Variants in UBE3D observed in about 807,000 individuals in gnomAD.
UBE3D encodes the protein ubiquitin protein ligase E3D.
A neutral mutation model predicts 49.6 loss-of-function variants in UBE3D; 48 were observed. The ratio of observed to expected loss-of-function variants is 0.97; its 90% CI spans 0.77 to 1.23. The LOEUF (loss-of-function observed/expected upper bound fraction) is 1.23, where lower values mean the gene tolerates loss of function less well. UBE3D is among the 50% of genes most tolerant of loss of function. The pLI is 0.00. For missense variants in UBE3D, 452 were observed against 468.4 expected (o/e 0.96, Z 0.32); for synonymous variants, 189 against 174.2 (o/e 1.08, Z -0.67).
intron 8 of UBE3D, among the ~76,000 whole-genome samples, chr6:83,004,835 T>C (rs1434296994): frequency 2.0e-5 from 3 of 152,190 alleles, no homozygotes; most frequent in Non-Finnish European, 4.4e-5. Flanking sequence ...CTAAATCTTC[T>C]CAAAACCACC....
intron 9 of UBE3D, among the ~76,000 whole-genome samples, chr6:82,931,649 G>A (rs2127745058): frequency 6.6e-6 from 1 of 152,338 alleles, no homozygotes; most frequent in Non-Finnish European, 1.5e-5. Flanking sequence ...CATGGAGCCT[G>A]CAGCCCCTTT....
rs562599515 is a variant in UBE3D, at chr6:82,908,876, G to A, written c.1150-15834C>T. The stretch of plus-strand genomic sequence containing the variant: ...ACAGCCAGGGCACAGAGACAGTCCT[G>A]GGGTCATAAAGCAGTGTGGGACTGG... On this transcript the variant is annotated intron_variant, in intron 9 of 9. Coordinates refer to ENST00000369747, the MANE Select transcript of UBE3D (RefSeq NM_198920.3). Among the ~76,000 whole-genome samples the A allele has an allele frequency of 4.5e-4, 68 of 152,270 alleles. 1 individual carries two copies. The highest frequency in any genetic ancestry group is 5.9e-5 in the Non-Finnish European group (4 of 68,030).
At chr6:82,936,726 C>G (rs750961113) in intron 9 of UBE3D, among the ~76,000 whole-genome samples, 1 of 152,128 alleles carries the variant, frequency 6.6e-6, no homozygotes, top group Non-Finnish European at 1.5e-5. Context: ...TCCCTGCTGC[C>G]CAGACATGAT....
At position 82,937,736 on chromosome 6, in the gene UBE3D, G is replaced by A. The variant is rs1178835052; in HGVS notation, c.1149+19576C>T. Among the ~76,000 whole-genome samples the A allele has an allele frequency of 2.6e-5, 4 of 152,266 alleles. No individual in the cohort carries two copies. In the Middle Eastern group the frequency reaches 0.01, roughly 388 times the overall value. On this transcript the variant is annotated intron_variant, in intron 9 of 9. Transcript: ENST00000369747. ...GAAAGTGCAAAAAGTCTAAGGGAGG[G>A]TAGAGAAGGAAGACGAAAGGGGGGA...
At chr6:82,884,874 T>C in the UBE3D span, among the ~76,000 whole-genome samples, 3 of 152,204 alleles carry the variant, frequency 2.0e-5, no homozygotes, top group Admixed American at 6.5e-5. Flanking sequence ...CCCGGTACTT[T>C]TGGAAATTAC....
chr6:83,046,992 T>G (rs1783102942), intron 3 of UBE3D, among the ~76,000 whole-genome samples: 1 of 152,230 alleles, frequency 6.6e-6, no homozygotes, highest in Admixed American at 6.5e-5. Context: ...ATGCCATATA[T>G]GTTTACCTTG....
chr6:82,999,796 A>G (rs1779496047), intron 8 of UBE3D, among the ~76,000 whole-genome samples: 1 of 152,100 alleles, frequency 6.6e-6, no homozygotes, highest in Admixed American at 6.6e-5. Context: ...ACTTCCTGAA[A>G]CAGTGGTCCA....
intron 8 of UBE3D, among the ~76,000 whole-genome samples, chr6:82,960,701 T>G (rs923531916): frequency 2.6e-5 from 4 of 152,010 alleles, no homozygotes; most frequent in African/African-American, 9.7e-5. Flanking sequence ...AGATCAGACA[T>G]GAGTGATTTC....
chr6:83,023,863 A>AC, intron 6 of UBE3D, 106 bp downstream of exon 6: 1 of 706,622 alleles, frequency 1.4e-6, no homozygotes, highest in Non-Finnish European at 2.3e-6. Flanking sequence ...GTTCCCAAAA[A>AC]CCTATTAAAA....
intron 8 of UBE3D, among the ~76,000 whole-genome samples, chr6:83,007,871 G>A (rs1780085390): frequency 6.6e-6 from 1 of 152,142 alleles, no homozygotes; most frequent in Non-Finnish European, 1.5e-5. Flanking sequence ...CTTGAGCCCA[G>A]AAGATTGAGG....
intron 9 of UBE3D, among the ~76,000 whole-genome samples, chr6:82,947,059 A>G (rs2127762274): frequency 6.6e-6 from 1 of 152,140 alleles, no homozygotes; most frequent in East Asian, 1.9e-4. Flanking sequence ...TTTACTTATC[A>G]ATAACAACAC....
In UBE3D at chr6:83,023,188, T is replaced by C. The variant is rs941482214; in HGVS notation, c.738-627A>G. Among the ~76,000 whole-genome samples the C allele has an allele frequency of 2.0e-5, 3 of 152,316 alleles. No homozygotes were observed. The East Asian group carries it at 5.8e-4, about 29-fold the overall frequency. On this transcript the variant is annotated intron_variant, in intron 6 of 9. Coordinates refer to ENST00000369747, the MANE Select transcript of UBE3D (RefSeq NM_198920.3). Reference sequence around the variant, plus strand: ...CCATGTTTTTAAAACATAGGAGTCATTTGAAACTGACCCATGTTTCAAATT... The same window carrying C: ...CCATGTTTTTAAAACATAGGAGTCACTTGAAACTGACCCATGTTTCAAATT...
rs1005151921 is a variant in UBE3D at position 82,911,210 on chromosome 6, A to C, written c.1150-18168T>G. ...GAACATTTTGGCAAAAAAAAAAAAAAAAAAAAAAAAAAACTCAGGGGGGAC... is the reference window on the plus strand; with the variant it reads ...GAACATTTTGGCAAAAAAAAAAAAACAAAAAAAAAAAAACTCAGGGGGGAC... On this transcript the variant is annotated intron_variant, in intron 9 of 9. Transcript: ENST00000369747. Among the ~76,000 whole-genome samples, 9 of 150,862 alleles carry C rather than the reference A, an allele frequency of 6.0e-5. No individual in the cohort carries two copies. The South Asian group carries it at 1.0e-3, about 18-fold the overall frequency.
intron 3 of UBE3D, 23 bp from the exon 4 acceptor site, chr6:83,044,682 T>TTTTG: frequency 6.4e-7 from 1 of 1,565,124 alleles, no homozygotes; most frequent in Non-Finnish European, 8.8e-7. Context: ...GGAAAAATCA[T>TTTTG]TTTTCACAGA....
At chr6:82,975,842 T>G (rs1392041778) in intron 8 of UBE3D, among the ~76,000 whole-genome samples, 1 of 152,186 alleles carries the variant, frequency 6.6e-6, no homozygotes, top group African/African-American at 2.4e-5. Flanking sequence ...ATGTATTACC[T>G]ATAAATTGAC....
chr6:82,904,216 A>AT (rs1562067815), intron 9 of UBE3D, among the ~76,000 whole-genome samples: 2 of 152,236 alleles, frequency 1.3e-5, no homozygotes, highest in African/African-American at 4.8e-5. Flanking sequence ...TAATGAACCA[A>AT]TTTTTTATCA....
intron 9 of UBE3D, among the ~76,000 whole-genome samples, chr6:82,906,879 T>G (rs574411629): frequency 6.6e-6 from 1 of 152,194 alleles, no homozygotes; most frequent in African/African-American, 2.4e-5. Context: ...CTTAAAACCA[T>G]CTTAACAATC....
intron 8 of UBE3D, among the ~76,000 whole-genome samples, chr6:83,016,734 A>G (rs1582647423): frequency 1.3e-5 from 2 of 152,126 alleles, no homozygotes; most frequent in Non-Finnish European, 2.9e-5. Flanking sequence ...AAAAGATCAT[A>G]TTAACTCACA....
In UBE3D at chr6:83,065,722, A is replaced by C. The variant is rs754581808; in HGVS notation, c.-4T>G. On this transcript the variant is annotated 5_prime_UTR_variant, in exon 1 of 10. Transcript: ENST00000369747. ...TCTCCGCCGCAGAAGCCGCCATGGCAGGCTTCCAGTCCCAGACCGGACCAA... is the reference window on the plus strand; with the variant it reads ...TCTCCGCCGCAGAAGCCGCCATGGCCGGCTTCCAGTCCCAGACCGGACCAA... 2.5e-6 allele frequency: 4 copies of C among 1,610,056 alleles called. No individual in the cohort carries two copies. Among genetic ancestry groups the C allele is most frequent in the Non-Finnish European group, 3.4e-6 (4 of 1,178,332 alleles).
Sources: allele counts gnomAD v4.1 joint callset (sites outside exome capture counted in the v4.1 genomes callset), GRCh38; gene constraint gnomAD v4.1.1; transcripts MANE v1.5; gene names NCBI Gene and HGNC (gene_info 2026-07-23, HGNC 2026-07-21).